Variants in MTX2 observed in about 807,000 individuals in gnomAD.
MTX2 encodes metaxin 2, also known as metaxin-2.
MTX2 carries 35 observed loss-of-function variants against 42.3 expected under a neutral mutation model. The ratio of observed to expected loss-of-function variants is 0.83; its 90% CI spans 0.63 to 1.10. The LOEUF (loss-of-function observed/expected upper bound fraction) is 1.10, where lower values mean the gene tolerates loss of function less well. Among genes scored for constraint, MTX2 ranks in the 50% least tolerant of loss-of-function variants. The pLI is 0.00. For missense variants in MTX2, 307 were observed against 304.1 expected (o/e 1.01, Z -0.07); for synonymous variants, 119 against 100.9 (o/e 1.18, Z -1.08).
intron 3 of MTX2, among the ~76,000 whole-genome samples, chr2:176,307,810 G>A (rs1021836715): frequency 6.6e-6 from 1 of 152,058 alleles, no homozygotes; most frequent in Admixed American, 6.6e-5. Flanking sequence ...TGAGACGATG[G>A]GGTTTTCTAA....
chr2:176,303,520 T>C (rs1318848983), intron 3 of MTX2, among the ~76,000 whole-genome samples: 1 of 152,100 alleles, frequency 6.6e-6, no homozygotes, highest in Admixed American at 6.6e-5. Flanking sequence ...CTTACATTAT[T>C]ATAGTTTGTG....
chr2:176,336,587 T>C (rs1366337524), intron 9 of MTX2, among the ~76,000 whole-genome samples: 2 of 152,214 alleles, frequency 1.3e-5, no homozygotes, highest in Non-Finnish European at 2.9e-5. Flanking sequence ...CTTGTTTTTA[T>C]GTCTAGCATT....
intron 3 of MTX2, among the ~76,000 whole-genome samples, chr2:176,311,191 C>T (rs1293117103): frequency 1.3e-5 from 2 of 152,118 alleles, no homozygotes; most frequent in Non-Finnish European, 2.9e-5. Context: ...TGCTGGAGGT[C>T]CACTCCAGAC....
At chr2:176,316,316 C>A (rs1480370859) in intron 3 of MTX2, among the ~76,000 whole-genome samples, 2 of 152,104 alleles carry the variant, frequency 1.3e-5, no homozygotes, top group Admixed American at 1.3e-4. Context: ...TTAGAGATTC[C>A]AGAGGAGAAA....
chr2:176,297,891 T>A lies in MTX2; in HGVS notation c.131T>A (p.Val44Glu). Reference sequence around the variant, plus strand: ...TCTGACAATGCAGCTTCTCTTGCAGTGCAGGTAAATATGTAAATAATGTAA... The same window carrying A: ...TCTGACAATGCAGCTTCTCTTGCAGAGCAGGTAAATATGTAAATAATGTAA... ...LLSDNAASLA[V>E]QAFLQMCNLP... Residue 44 changes from valine (V) to glutamate (E), a missense_variant, in exon 3 of 10, where the codon GTG becomes GAG. Transcript: ENST00000249442. 1 of 1,558,114 alleles carries A rather than the reference T, an allele frequency of 6.4e-7. No individual in the cohort carries two copies. The highest frequency in any genetic ancestry group is 8.7e-7 in the Non-Finnish European group (1 of 1,148,568).
At chr2:176,334,018 ATTCTACTTCTGTTGATG>A (rs1413154606) in intron 9 of MTX2, among the ~76,000 whole-genome samples, 1 of 151,782 alleles carries the variant, frequency 6.6e-6, no homozygotes, top group Non-Finnish European at 1.5e-5. Context: ...AATCTGTTGA[ATTCTACTTCTGTTGATG>A]TTCTAAAGTA....
intron 3 of MTX2, among the ~76,000 whole-genome samples, chr2:176,313,423 C>T (rs1684364986): frequency 7.9e-6 from 1 of 126,896 alleles, no homozygotes. Context: ...GATAGGGTCT[C>T]ACTCTGTCTC....
rs1395026157 is a variant in MTX2 at position 176,326,841 on chromosome 2, T to C, written c.225T>C (p.Ile75=). Residue 75 remains isoleucine, a synonymous_variant, in exon 5 of 10, where the codon ATT becomes ATC. Coordinates refer to ENST00000249442, the MANE Select transcript of MTX2 (RefSeq NM_006554.5). Reference sequence around the variant, plus strand: ...TCTCAACAGGTAAAGTACCTTTTATTCATGTGGGAAATCAAGTAGTATCAG... The same window carrying C: ...TCTCAACAGGTAAAGTACCTTTTATCCATGTGGGAAATCAAGTAGTATCAG... The part of the protein sequence containing the change: ...YMSPSGKVPF[I]HVGNQVVSEL... 1 of 1,572,154 alleles carries C rather than the reference T, an allele frequency of 6.4e-7. No homozygotes were observed. Among genetic ancestry groups the C allele is most frequent in the Admixed American group, 1.9e-5 (1 of 53,868 alleles).
intron 3 of MTX2, among the ~76,000 whole-genome samples, chr2:176,306,597 C>T (rs1684152442): frequency 6.6e-6 from 1 of 152,154 alleles, no homozygotes; most frequent in Admixed American, 6.5e-5. Flanking sequence ...TTAATGATTG[C>T]CATTCTAACT....
chr2:176,270,977 A>G (rs1238585551), intron 1 of MTX2, among the ~76,000 whole-genome samples: 4 of 148,112 alleles, frequency 2.7e-5, no homozygotes, highest in Admixed American at 6.7e-5. Flanking sequence ...TACTATGTTG[A>G]AAAAAAAAAC....
chr2:176,337,376 G>T (rs369791008), intron 9 of MTX2, 117 bp from the exon 10 acceptor site: 2 of 770,128 alleles, frequency 2.6e-6, no homozygotes, highest in African/African-American at 1.8e-5. Flanking sequence ...AAATATTTTG[G>T]ATCTGAGGTT....
chr2:176,272,941 A>G (rs1692857762), intron 1 of MTX2, among the ~76,000 whole-genome samples: 1 of 152,242 alleles, frequency 6.6e-6, no homozygotes, highest in African/African-American at 2.4e-5. Context: ...TTGTGTTGCT[A>G]TAACAGAATA....
rs35418677 is a variant in MTX2, at chr2:176,335,045, C to CAA, written c.621-2439_621-2438dup. On this transcript the variant is annotated intron_variant, in intron 9 of 9. Transcript: ENST00000249442. ...TCTGGTAGAGGAGATGCACAATAAG[C>CAA]AAAAAAAAAATTATATGGTATTAAT... is the stretch of plus-strand genomic sequence containing the variant. Among the ~76,000 whole-genome samples the CAA allele has an allele frequency of 3.0e-3, 443 of 149,050 alleles. 2 individuals are homozygous for CAA. The highest frequency in any genetic ancestry group is 9.7e-3 in the African/African-American group (396 of 40,622).
intron 3 of MTX2, among the ~76,000 whole-genome samples, chr2:176,308,071 C>T (rs1204080681): frequency 1.3e-5 from 2 of 151,998 alleles, no homozygotes; most frequent in African/African-American, 4.8e-5. Flanking sequence ...GAGATATGTT[C>T]CATCAATACT....
chr2:176,317,495 C>T (rs1315334084), intron 3 of MTX2, among the ~76,000 whole-genome samples: 1 of 152,098 alleles, frequency 6.6e-6, no homozygotes, highest in Non-Finnish European at 1.5e-5. Flanking sequence ...TCTCTGCTAA[C>T]AATTTATAGT....
At chr2:176,319,543 C>T (rs890456220) in intron 3 of MTX2, among the ~76,000 whole-genome samples, 2 of 151,516 alleles carry the variant, frequency 1.3e-5, no homozygotes, top group African/African-American at 4.9e-5. Context: ...AGGTGCCTGC[C>T]ACCACATGCT....
intron 6 of MTX2, 112 bp from the exon 7 acceptor site, chr2:176,328,762 A>G: frequency 2.1e-6 from 2 of 954,922 alleles, no homozygotes; most frequent in South Asian, 1.5e-5. Flanking sequence ...AAACCGCTAC[A>G]TGTGTGACTT....
At chr2:176,336,434 A>AT (rs1684988531) in intron 9 of MTX2, among the ~76,000 whole-genome samples, 1 of 152,096 alleles carries the variant, frequency 6.6e-6, no homozygotes, top group Admixed American at 6.6e-5. Flanking sequence ...ATTGGGTATC[A>AT]TTTTTTTGGT....
chr2:176,305,876 T>A (rs1045950285), intron 3 of MTX2, among the ~76,000 whole-genome samples: 4 of 152,124 alleles, frequency 2.6e-5, no homozygotes, highest in Non-Finnish European at 4.4e-5. Flanking sequence ...AAGCTTTTTA[T>A]GCTTATTGAA....
Sources: gnomAD v4.1 joint callset for allele counts (sites outside exome capture counted in the v4.1 genomes callset) on GRCh38, gnomAD v4.1.1 for gene constraint, MANE v1.5 for transcripts, NCBI Gene and HGNC (gene_info 2026-07-23, HGNC 2026-07-21) for gene names.